Variants in HFM1 observed in about 807,000 individuals in gnomAD.
HFM1 encodes probable ATP-dependent DNA helicase HFM1.
In HFM1, 169 loss-of-function variants were observed where a neutral mutation model predicts 192.1. The ratio of observed to expected loss-of-function variants is 0.88; its 90% CI spans 0.78 to 1.00. The LOEUF is 1.00. Ranked by LOEUF, HFM1 falls within the 50% of genes least tolerant of loss-of-function variation. HFM1 has a pLI of 0.00. For synonymous variants in HFM1, 525 were observed against 537.8 expected (o/e 0.98, Z 0.33); for missense variants, 1,661 against 1,668.0 (o/e 1.00, Z 0.07).
chr1:91,358,902 G>A (rs553720186), intron 13 of HFM1, among the ~76,000 whole-genome samples: 4 of 152,292 alleles, frequency 2.6e-5, no homozygotes, highest in African/African-American at 9.6e-5. Context: ...AGCTTCTAGA[G>A]GAAGTAGCTG....
Position 91,353,165 on chromosome 1 carries a change from T to C in HFM1, c.1730-13A>G, listed in dbSNP as rs1657190886. The C allele has an allele frequency of 4.4e-6, 7 of 1,580,184 alleles. No homozygotes were observed. Among genetic ancestry groups the C allele is most frequent in the Non-Finnish European group, 6.1e-6 (7 of 1,150,620 alleles). On this transcript the variant is annotated splice_polypyrimidine_tract_variant and intron_variant, in intron 14 of 38. Transcript: ENST00000370425. ...TCTTTTAAGATATCTGTAATAGAAA[T>C]ATATCAGCTGTTACTATTAATATTT...
In HFM1 at chr1:91,308,246, T is replaced by G. The variant is rs184306704; in HGVS notation, c.3391+5103A>C. 4.7e-3 allele frequency among the ~76,000 whole-genome samples: 723 copies of G among 152,290 alleles called. 8 individuals carry two copies. Among genetic ancestry groups the G allele is most frequent in the African/African-American group, 0.017 (696 of 41,570 alleles). On this transcript the variant is annotated intron_variant, in intron 30 of 38. Transcript: ENST00000370425. The stretch of plus-strand genomic sequence containing the variant: ...AATTATGCATATGTTAGACCTTTTT[T>G]TGAGTATTATATTCCTTTGTGTTCT...
intron 23 of HFM1, 128 bp from the exon 24 acceptor site, chr1:91,319,518 T>A (rs1344934260): frequency 5.3e-6 from 3 of 570,570 alleles, no homozygotes; most frequent in Non-Finnish European, 9.3e-6. Flanking sequence ...ACTACATGAT[T>A]ATCTTGCATA....
At chr1:91,367,535 C>T (rs1366482507) in intron 13 of HFM1, among the ~76,000 whole-genome samples, 1 of 152,204 alleles carries the variant, frequency 6.6e-6, no homozygotes, top group Non-Finnish European at 1.5e-5. Context: ...AGACCTGCAG[C>T]TGAGGGTCCT....
chr1:91,336,546 T>C (rs1466165080), intron 20 of HFM1, among the ~76,000 whole-genome samples: 2 of 152,110 alleles, frequency 1.3e-5, no homozygotes, highest in Admixed American at 6.6e-5. Context: ...CTTCAGAAGG[T>C]TAATCTTTCT....
chr1:91,388,275 G>T (rs1301405692), intron 4 of HFM1, among the ~76,000 whole-genome samples: 1 of 152,208 alleles, frequency 6.6e-6, no homozygotes, highest in African/African-American at 2.4e-5. Flanking sequence ...AATGTGGGTA[G>T]CCTGGGAATC....
intron 30 of HFM1, 60 bp from the exon 31 acceptor site, chr1:91,277,122 T>G: frequency 3.5e-6 from 3 of 859,032 alleles, no homozygotes; most frequent in Middle Eastern, 7.2e-4. Flanking sequence ...GTTAATTTAA[T>G]ATAATTAATT....
At chr1:91,385,065 A>C in intron 6 of HFM1, 122 bp downstream of exon 6, 2 of 709,834 alleles carry the variant, frequency 2.8e-6, no homozygotes, top group East Asian at 5.7e-5. Context: ...TACAACACCA[A>C]AAAGATTAAT....
chr1:91,396,344 TTTCTGAAA>T lies in HFM1; in HGVS notation c.125_132del (p.Ile42AsnfsTer15). ...TCCTCTAACTCCTGAGTATCTGGAA[TTTCTGAAA>T]TCAATGGAGCAGGAGGGAGAAACCA... On this transcript the variant is annotated frameshift_variant, in exon 3 of 39. Transcript: ENST00000370425. LOFTEE classifies it high-confidence loss of function. 1 of 1,604,806 alleles carries T rather than the reference TTTCTGAAA, an allele frequency of 6.2e-7. No homozygotes were observed. Among genetic ancestry groups the T allele is most frequent in the African/African-American group, 1.3e-5 (1 of 74,882 alleles).
chr1:91,324,092 T>C (rs1169806733), intron 21 of HFM1, among the ~76,000 whole-genome samples: 1 of 152,196 alleles, frequency 6.6e-6, no homozygotes, highest in Non-Finnish European at 1.5e-5. Flanking sequence ...ATGCCTATGG[T>C]TCTATTCACT....
chr1:91,330,815 G>T (rs972520938), intron 20 of HFM1, among the ~76,000 whole-genome samples: 1 of 152,018 alleles, frequency 6.6e-6, no homozygotes, highest in African/African-American at 2.4e-5. Context: ...TGACCAAGTG[G>T]GGTTTATCCC....
At chr1:91,379,785 T>A (rs1661335732) in intron 8 of HFM1, among the ~76,000 whole-genome samples, 1 of 152,096 alleles carries the variant, frequency 6.6e-6, no homozygotes, top group African/African-American at 2.4e-5. Flanking sequence ...AAAAATTTTT[T>A]AAATACATAC....
At chr1:91,347,515 C>G in intron 18 of HFM1, 39 bp from the exon 19 acceptor site, 1 of 1,416,320 alleles carries the variant, frequency 7.1e-7, no homozygotes, top group South Asian at 1.3e-5. Context: ...TTTAGCTCAT[C>G]TTTACAGGCT....
chr1:91,379,286 T>C (rs1661272644), intron 8 of HFM1, 72 bp from the exon 9 acceptor site: 5 of 1,224,270 alleles, frequency 4.1e-6, no homozygotes, highest in Non-Finnish European at 4.7e-6. Flanking sequence ...CTTTGGTTAA[T>C]AAAGTTAGCA....
At chr1:91,273,629 C>A in intron 34 of HFM1, 83 bp downstream of exon 34, 1 of 641,904 alleles carries the variant, frequency 1.6e-6, no homozygotes, top group Non-Finnish European at 2.7e-6. Context: ...ATTTCAGATG[C>A]CGGTGTTTCA....
At chr1:91,348,706 G>C (rs1656484037) in intron 18 of HFM1, among the ~76,000 whole-genome samples, 2 of 151,832 alleles carry the variant, frequency 1.3e-5, no homozygotes, top group Non-Finnish European at 2.9e-5. Context: ...GATTGCTTGA[G>C]CCCACAAGTT....
chr1:91,357,340 A>C (rs901772576), intron 13 of HFM1, among the ~76,000 whole-genome samples: 1 of 152,234 alleles, frequency 6.6e-6, no homozygotes, highest in African/African-American at 2.4e-5. Flanking sequence ...ACAGAATGAA[A>C]GATAAAAAAC....
Position 91,260,787 on chromosome 1 carries a change from T to C in HFM1, c.*503A>G, listed in dbSNP as rs1665095943. 6.6e-6 allele frequency: 1 copy of C among 152,152 alleles called. No individual in the cohort carries two copies. Among genetic ancestry groups the C allele is most frequent in the South Asian group, 2.1e-4 (1 of 4,824 alleles). 9.4% of individuals were successfully genotyped at this position (152,152 alleles called of 1,614,324 possible). On this transcript the variant is annotated 3_prime_UTR_variant, in exon 39 of 39. Coordinates refer to ENST00000370425, the MANE Select transcript of HFM1 (RefSeq NM_001017975.6). The stretch of plus-strand genomic sequence containing the variant: ...TCTATACTGATTAATGTTTCATTTA[T>C]TGTTGCTCAAAGTTAGATAACAGTA...
At chr1:91,365,888 T>C (rs1258186879) in intron 13 of HFM1, among the ~76,000 whole-genome samples, 1 of 150,124 alleles carries the variant, frequency 6.7e-6, no homozygotes, top group Non-Finnish European at 1.5e-5. Context: ...AGAAGTTAAG[T>C]AATATGTCCA....
Sources: gnomAD v4.1 joint callset for allele counts (sites outside exome capture counted in the v4.1 genomes callset) on GRCh38, gnomAD v4.1.1 for gene constraint, MANE v1.5 for transcripts, NCBI Gene and HGNC (gene_info 2026-07-23, HGNC 2026-07-21) for gene names.